Variants in LRRC7 observed in about 807,000 individuals in gnomAD.
LRRC7 encodes the protein leucine rich repeat containing 7.
LRRC7 carries 23 observed loss-of-function variants against 175.7 expected under a neutral mutation model. The observed-to-expected ratio is 0.13, with a 90% CI of 0.09 to 0.19. LRRC7 has a LOEUF of 0.19. Ranked by LOEUF, LRRC7 falls within the 10% of genes least tolerant of loss-of-function variation. The probability of loss-of-function intolerance (pLI) is 1.00; values close to 1 mark genes in which losing one functional copy is unlikely to be tolerated. For missense variants in LRRC7, 1,354 were observed against 1,904.7 expected (o/e 0.71, Z 5.38); for synonymous variants, 685 against 680.9 (o/e 1.01, Z -0.09).
intron 26 of LRRC7, among the ~76,000 whole-genome samples, chr1:70,116,953 G>T (rs1665902627): frequency 6.6e-6 from 1 of 152,194 alleles, no homozygotes; most frequent in Admixed American, 6.5e-5. Flanking sequence ...ATGAAGGCTT[G>T]CTCTTAAGGC....
chr1:69,943,295 T>C (rs1213610297), intron 8 of LRRC7, among the ~76,000 whole-genome samples: 1 of 152,102 alleles, frequency 6.6e-6, no homozygotes. Flanking sequence ...AAAGGTCCGA[T>C]ATGTGCTACA....
At chr1:69,822,030 A>G (rs916734619) in intron 4 of LRRC7, among the ~76,000 whole-genome samples, 1 of 152,146 alleles carries the variant, frequency 6.6e-6, no homozygotes, top group Non-Finnish European at 1.5e-5. Flanking sequence ...TTGCTTCAGG[A>G]GAGAAACACC....
intron 2 of LRRC7, among the ~76,000 whole-genome samples, chr1:69,721,529 A>G (rs145112142): frequency 2.0e-5 from 3 of 151,846 alleles, no homozygotes; most frequent in Non-Finnish European, 4.4e-5. Context: ...ATGTCCTTTC[A>G]TTGACTGATA....
At chr1:69,841,503 T>C (rs1681726262) in intron 7 of LRRC7, among the ~76,000 whole-genome samples, 1 of 152,046 alleles carries the variant, frequency 6.6e-6, no homozygotes, top group Non-Finnish European at 1.5e-5. Flanking sequence ...GTTCTCAGCA[T>C]TGCTGGTCTA....
At chr1:69,936,543 G>C (rs560090550) in intron 8 of LRRC7, among the ~76,000 whole-genome samples, 1 of 152,036 alleles carries the variant, frequency 6.6e-6, no homozygotes, top group Non-Finnish European at 1.5e-5. Context: ...GTTTCCAGTT[G>C]CTTGTTGCAG....
chr1:70,096,972 T>A (rs1237741526), intron 25 of LRRC7, among the ~76,000 whole-genome samples: 2 of 152,240 alleles, frequency 1.3e-5, no homozygotes, highest in Non-Finnish European at 2.9e-5. Context: ...TTTTACTCTG[T>A]GTGGCATAAT....
At chr1:69,692,065 A>G (rs1368837154) in intron 2 of LRRC7, among the ~76,000 whole-genome samples, 1 of 152,172 alleles carries the variant, frequency 6.6e-6, no homozygotes, top group African/African-American at 2.4e-5. Flanking sequence ...GGGGTTTTTC[A>G]TAATATACTC....
rs918663758 is a variant in LRRC7, at chr1:69,681,966, G to A, written c.100+3488G>A. ...TCTGAAGGTCAGGAGTCCAGAGTTC[G>A]CTGCTTCAGTTCTCACTAGGTTGAA... On this transcript the variant is annotated intron_variant, in intron 2 of 26. Coordinates refer to ENST00000651989, the MANE Select transcript of LRRC7 (RefSeq NM_001370785.2). 2.0e-5 allele frequency among the ~76,000 whole-genome samples: 3 copies of A among 152,078 alleles called. No homozygotes were observed. In the East Asian group the frequency reaches 5.8e-4, roughly 29 times the overall value.
chr1:69,601,100 G>T (rs938246950), intron 1 of LRRC7, among the ~76,000 whole-genome samples: 1 of 152,110 alleles, frequency 6.6e-6, no homozygotes, highest in Non-Finnish European at 1.5e-5. Context: ...ACAGGCATGA[G>T]CCACCGTGCC....
chr1:69,982,677 A>G (rs550232354), intron 9 of LRRC7, among the ~76,000 whole-genome samples: 37 of 152,218 alleles, frequency 2.4e-4, no homozygotes, highest in Non-Finnish European at 7.3e-5. Flanking sequence ...CCATCAATCT[A>G]AGGTTAATCA....
At chr1:70,029,649 A>T (rs1376801666) in intron 18 of LRRC7, among the ~76,000 whole-genome samples, 2 of 152,186 alleles carry the variant, frequency 1.3e-5, no homozygotes, top group East Asian at 3.8e-4. Flanking sequence ...GGGGAAGGAA[A>T]CCAACATTTA....
At chr1:69,644,929 T>C (rs1373380437) in intron 1 of LRRC7, among the ~76,000 whole-genome samples, 1 of 151,976 alleles carries the variant, frequency 6.6e-6, no homozygotes, top group East Asian at 1.9e-4. Flanking sequence ...AAATAACCTT[T>C]AGTCATAAAA....
At chr1:69,731,967 T>C (rs1371076216) in intron 2 of LRRC7, among the ~76,000 whole-genome samples, 2 of 152,142 alleles carry the variant, frequency 1.3e-5, no homozygotes, top group Non-Finnish European at 2.9e-5. Flanking sequence ...AAAAATAACA[T>C]GTTTATTGCT....
intron 7 of LRRC7, among the ~76,000 whole-genome samples, chr1:69,895,891 A>G (rs1645965208): frequency 6.6e-6 from 1 of 152,158 alleles, no homozygotes. Flanking sequence ...GCTGCTATGA[A>G]TATTTATGTA....
intron 3 of LRRC7, among the ~76,000 whole-genome samples, chr1:69,775,588 A>T (rs1260640279): frequency 2.6e-5 from 4 of 152,204 alleles, no homozygotes; most frequent in Non-Finnish European, 5.9e-5. Context: ...CATAGAACTG[A>T]CTTCTAGTCA....
intron 4 of LRRC7, among the ~76,000 whole-genome samples, chr1:69,821,591 C>A (rs1679299553): frequency 6.6e-6 from 1 of 152,042 alleles, no homozygotes; most frequent in Admixed American, 6.6e-5. Context: ...TCATTTCTTT[C>A]AGTTTGGTTA....
intron 18 of LRRC7, among the ~76,000 whole-genome samples, chr1:70,029,003 T>C (rs1024693268): frequency 5.3e-5 from 8 of 152,160 alleles, no homozygotes; most frequent in African/African-American, 1.9e-4. Context: ...AATTTGGTTA[T>C]CATATTTTTA....
intron 1 of LRRC7, among the ~76,000 whole-genome samples, chr1:69,573,371 T>C (rs1407523508): frequency 6.6e-6 from 1 of 152,206 alleles, no homozygotes; most frequent in African/African-American, 2.4e-5. Context: ...ATTAAGATTT[T>C]GAACCAGCTT....
Position 69,931,577 on chromosome 1 carries a change from A to G in LRRC7, c.711+7A>G, listed in dbSNP as rs755847491. On this transcript the variant is annotated splice_region_variant and intron_variant, in intron 8 of 26. Transcript: ENST00000651989. Reference sequence around the variant, plus strand: ...TAATGAATTCGGTGAGCTGGTAAGCAAATGCATTTTCTAAACCTGATAAAT... The same window carrying G: ...TAATGAATTCGGTGAGCTGGTAAGCGAATGCATTTTCTAAACCTGATAAAT... The G allele has an allele frequency of 6.2e-7, 1 of 1,611,538 alleles. No homozygotes were observed. The highest frequency in any genetic ancestry group is 8.5e-7 in the Non-Finnish European group (1 of 1,177,850).
Sources: allele counts gnomAD v4.1 joint callset (sites outside exome capture counted in the v4.1 genomes callset), GRCh38; gene constraint gnomAD v4.1.1; transcripts MANE v1.5; gene names NCBI Gene and HGNC (gene_info 2026-07-23, HGNC 2026-07-21).